KCNJ15: variants seen among roughly 807,000 people sequenced by gnomAD.
KCNJ15 encodes ATP-sensitive inward rectifier potassium channel 15.
In KCNJ15, 14 loss-of-function variants were observed where a neutral mutation model predicts 23.0. The ratio of observed to expected loss-of-function variants is 0.61; its 90% confidence interval spans 0.40 to 0.95. The LOEUF is 0.95. Ranked by LOEUF, KCNJ15 falls within the 40% of genes least tolerant of loss-of-function variation. The pLI is 0.00. For missense variants in KCNJ15, 388 were observed against 461.8 expected, an observed-to-expected ratio of 0.84 and a Z score of 1.46; for synonymous variants, 185 against 183.2, an observed-to-expected ratio of 1.01 and a Z score of -0.08.
chr21:38,298,438 A>G (rs59696089), intron 2 of KCNJ15, among the ~76,000 whole-genome samples: 15,226 of 152,258 alleles, frequency 0.1, 2,154 homozygotes, highest in African/African-American at 0.32. Flanking sequence ...TGACATTGGT[A>G]GCACTTTTCC....
At chr21:38,292,368 GGGC>G (rs1984691523) in intron 1 of KCNJ15, among the ~76,000 whole-genome samples, 1 of 152,108 alleles carries the variant, frequency 6.6e-6, no homozygotes, top group Admixed American at 6.5e-5. Context: ...AGTGGTACCT[GGGC>G]GGCCCAGTGT....
At chr21:38,251,168 T>C (rs771231782) in intron 1 of KCNJ15, among the ~76,000 whole-genome samples, 3 of 152,214 alleles carry the variant, frequency 2.0e-5, no homozygotes, top group Non-Finnish European at 4.4e-5. Flanking sequence ...TTAGCAGATA[T>C]TGCTTTTCTA....
At chr21:38,258,697 C>G (rs747649550) in intron 1 of KCNJ15, among the ~76,000 whole-genome samples, 4 of 152,230 alleles carry the variant, frequency 2.6e-5, no homozygotes, top group Non-Finnish European at 5.9e-5. Context: ...CTTTGTGATT[C>G]TGGTTGCTTA....
At chr21:38,290,906 T>G (rs1388653306) in intron 1 of KCNJ15, among the ~76,000 whole-genome samples, 3 of 151,898 alleles carry the variant, frequency 2.0e-5, no homozygotes, top group Non-Finnish European at 4.4e-5. Context: ...TACTCAAACT[T>G]TTTGATCCTT....
At position 38,307,144 on chromosome 21, in the gene KCNJ15, A is replaced by C. The variant is rs1386460029; in HGVS notation, c.*6755A>C. ...TGGTGCATGTCGGAAATCTCACACT[A>C]ACTGTGGATACTCTGTCATCACTGA... is the stretch of plus-strand genomic sequence containing the variant. On this transcript the variant is annotated 3_prime_UTR_variant, in exon 3 of 3. Transcript: ENST00000398938. 1 of 152,208 alleles carries C rather than the reference A, an allele frequency of 6.6e-6. No homozygotes were observed. Among genetic ancestry groups the C allele is most frequent in the South Asian group, 2.1e-4 (1 of 4,832 alleles). 9.4% of individuals were successfully genotyped at this position (152,208 alleles called of 1,614,324 possible). A position where few individuals can be genotyped will look rare whatever the true frequency, so the allele number is the denominator to read the frequency against.
chr21:38,288,026 C>CTTTCTTTTTTTTTTTTTTTT (rs1171718120), intron 1 of KCNJ15, among the ~76,000 whole-genome samples: 1 of 78,170 alleles, frequency 1.3e-5, no homozygotes, highest in Non-Finnish European at 2.3e-5. Flanking sequence ...TTGTTTTTTT[C>CTTTCTTTTTTTTTTTTTTTT]TTTGTTTTTT....
chr21:38,307,125 A>T lies in KCNJ15; in HGVS notation c.*6736A>T, dbSNP rs1403432473. 1.3e-5 allele frequency: 2 copies of T among 152,220 alleles called. No individual in the cohort carries two copies. The highest frequency in any genetic ancestry group is 2.9e-5 in the Non-Finnish European group (2 of 68,038). The allele number at this position is 152,220 out of a possible 1,614,324, so 9.4% of individuals were successfully genotyped here. ...TCAAGGCTGAGCTACTATTTGGTGC[A>T]TGTCGGAAATCTCACACTAACTGTG... On this transcript the variant is annotated 3_prime_UTR_variant, in exon 3 of 3. Coordinates refer to ENST00000398938, the MANE Select transcript of KCNJ15 (RefSeq NM_170736.3).
intron 1 of KCNJ15, among the ~76,000 whole-genome samples, chr21:38,234,761 G>T (rs1385217065): frequency 6.6e-6 from 1 of 152,194 alleles, no homozygotes; most frequent in Non-Finnish European, 1.5e-5. Context: ...TATGCATAAA[G>T]ACATCTTTTT....
upstream of KCNJ15, among the ~76,000 whole-genome samples, chr21:38,255,143 G>A (rs1371656201): frequency 6.6e-6 from 1 of 152,160 alleles, no homozygotes; most frequent in Admixed American, 6.5e-5. Context: ...AAGGAGTCTT[G>A]GGGCACGGAC....
chr21:38,241,789 A>G (rs1157721983), intron 1 of KCNJ15, among the ~76,000 whole-genome samples: 1 of 152,018 alleles, frequency 6.6e-6, no homozygotes, highest in East Asian at 1.9e-4. Flanking sequence ...CAACATGGTG[A>G]AACCCCGTCT....
At chr21:38,235,429 C>T (rs2123540952) in intron 1 of KCNJ15, among the ~76,000 whole-genome samples, 1 of 152,186 alleles carries the variant, frequency 6.6e-6, no homozygotes, top group African/African-American at 2.4e-5. Context: ...TGGCACGCGC[C>T]TGTAATCCCA....
At position 38,240,673 on chromosome 21, in the gene KCNJ15, C is replaced by G. The variant is rs953995757; in HGVS notation, c.-398-16373C>G. On this transcript the variant is annotated intron_variant, in intron 1 of 4. Coordinates refer to the KCNJ15 transcript ENST00000547341. Reference sequence around the variant, plus strand: ...TCTTATGGGTAAAGTTCCTGGAATGCTCTATTACATGGATTTAGTACATTT... The same window carrying G: ...TCTTATGGGTAAAGTTCCTGGAATGGTCTATTACATGGATTTAGTACATTT... Among the ~76,000 whole-genome samples the G allele has an allele frequency of 5.9e-5, 9 of 152,150 alleles. No homozygotes were observed. In the East Asian group the frequency reaches 1.7e-3, roughly 29 times the overall value.
chr21:38,287,085 T>G (rs1433666937), intron 1 of KCNJ15, among the ~76,000 whole-genome samples: 1 of 152,230 alleles, frequency 6.6e-6, no homozygotes, highest in Non-Finnish European at 1.5e-5. Context: ...TTTGTGACTT[T>G]ACTTTTATCT....
chr21:38,295,046 G>C (rs61634633), intron 1 of KCNJ15, among the ~76,000 whole-genome samples: 15,274 of 152,156 alleles, frequency 0.1, 2,168 homozygotes, highest in African/African-American at 0.32. Flanking sequence ...ATATTGCTTA[G>C]CTGGGAGGAT....
chr21:38,276,564 G>A (rs1291992360), intron 1 of KCNJ15, among the ~76,000 whole-genome samples: 1 of 152,122 alleles, frequency 6.6e-6, no homozygotes, highest in African/African-American at 2.4e-5. Flanking sequence ...TGAGGGTGGA[G>A]GGTGAGAGGA....
At chr21:38,277,612 T>A (rs911379225) in intron 1 of KCNJ15, among the ~76,000 whole-genome samples, 1 of 152,176 alleles carries the variant, frequency 6.6e-6, no homozygotes, top group Non-Finnish European at 1.5e-5. Context: ...ATCTACCAAG[T>A]CATCTGCAAG....
At chr21:38,236,713 A>C (rs1199744667) in intron 1 of KCNJ15, among the ~76,000 whole-genome samples, 1 of 152,182 alleles carries the variant, frequency 6.6e-6, no homozygotes. Flanking sequence ...TAGCCCTGGA[A>C]ATTCCAGTGT....
intron 1 of KCNJ15, among the ~76,000 whole-genome samples, chr21:38,250,968 A>C (rs946414804): frequency 1.3e-5 from 2 of 152,222 alleles, no homozygotes; most frequent in Non-Finnish European, 2.9e-5. Context: ...TCCACGGCAC[A>C]CATACCTCAC....
At position 38,298,545 on chromosome 21, in the gene KCNJ15, A is replaced by G. The variant is rs79493650; in HGVS notation, c.-18-699A>G. Among the ~76,000 whole-genome samples the G allele has an allele frequency of 3.3e-3, 505 of 152,356 alleles. 4 individuals carry two copies. Among genetic ancestry groups the G allele is most frequent in the African/African-American group, 0.012 (484 of 41,592 alleles). On this transcript the variant is annotated intron_variant, in intron 2 of 2. Coordinates refer to ENST00000398938, the MANE Select transcript of KCNJ15 (RefSeq NM_170736.3). ...TTCAAACTGAGTTTTTTCCAAAGTCATAACAAAACTAGGAGAGGCTGTAGA... is the reference window on the plus strand; with the variant it reads ...TTCAAACTGAGTTTTTTCCAAAGTCGTAACAAAACTAGGAGAGGCTGTAGA...
Sources: allele counts gnomAD v4.1 joint callset (sites outside exome capture counted in the v4.1 genomes callset), GRCh38; gene constraint gnomAD v4.1.1; transcripts MANE v1.5; gene names NCBI Gene and HGNC (gene_info 2026-07-23, HGNC 2026-07-21).